Variants in PEBP4 observed in about 807,000 individuals in gnomAD.
The protein encoded by PEBP4 is phosphatidylethanolamine-binding protein 4.
In PEBP4, 22 loss-of-function variants were observed where a neutral mutation model predicts 23.9. The observed-to-expected ratio is 0.92, with a 90% CI of 0.66 to 1.31. The LOEUF (loss-of-function observed/expected upper bound fraction) is 1.31, where lower values mean the gene tolerates loss of function less well. PEBP4 is among the 40% of genes most tolerant of loss of function. The pLI is 0.00. For synonymous variants in PEBP4, 112 were observed against 99.3 expected (o/e 1.13, Z -0.76); for missense variants, 324 against 281.7 (o/e 1.15, Z -1.07).
At position 22,776,882 on chromosome 8, in the gene PEBP4, C is replaced by A. The variant is rs114531525; in HGVS notation, c.357+40755G>T. On this transcript the variant is annotated intron_variant, in intron 4 of 6. Coordinates refer to ENST00000256404, the MANE Select transcript of PEBP4 (RefSeq NM_144962.3). ...CTGCGGAGCTGGGAGGTGGTTGGCA[C>A]ATGGCCTCATAACATTAGCCAGACT... Among the ~76,000 whole-genome samples, 751 of 151,408 alleles carry A rather than the reference C, an allele frequency of 5.0e-3. 6 individuals carry two copies. Among genetic ancestry groups the A allele is most frequent in the African/African-American group, 0.018 (722 of 41,168 alleles).
At chr8:22,926,718 A>T (rs867133509) in intron 2 of PEBP4, among the ~76,000 whole-genome samples, 9 of 152,278 alleles carry the variant, frequency 5.9e-5, no homozygotes, top group Admixed American at 1.3e-4. Flanking sequence ...TTCTAAAAGT[A>T]ATGTTTGTCA....
At chr8:22,723,338 G>A (rs980315165) in intron 6 of PEBP4, among the ~76,000 whole-genome samples, 1 of 152,146 alleles carries the variant, frequency 6.6e-6, no homozygotes, top group African/African-American at 2.4e-5. Flanking sequence ...ACGCAGAGTA[G>A]GGAAGCGTCT....
intron 4 of PEBP4, among the ~76,000 whole-genome samples, chr8:22,738,877 AC>A (rs776883886): frequency 1.3e-5 from 2 of 152,018 alleles, no homozygotes; most frequent in Non-Finnish European, 2.9e-5. Context: ...ACACACACTC[AC>A]ATGTACTCAC....
intron 3 of PEBP4, among the ~76,000 whole-genome samples, chr8:22,889,500 T>C (rs1260938249): frequency 1.3e-5 from 2 of 151,746 alleles, no homozygotes; most frequent in African/African-American, 4.8e-5. Flanking sequence ...GAGAGAAAAA[T>C]TAAAGGCAAG....
chr8:22,716,617 T>C (rs1804424940), intron 6 of PEBP4, among the ~76,000 whole-genome samples: 1 of 152,240 alleles, frequency 6.6e-6, no homozygotes, highest in African/African-American at 2.4e-5. Context: ...CCCAAATCTG[T>C]GGGGTTGGCT....
chr8:22,910,096 G>C (rs1808906988), intron 3 of PEBP4, among the ~76,000 whole-genome samples: 1 of 152,218 alleles, frequency 6.6e-6, no homozygotes, highest in South Asian at 2.1e-4. Context: ...AGCCAGCCCA[G>C]CTGCACTCTC....
intron 3 of PEBP4, among the ~76,000 whole-genome samples, chr8:22,898,410 A>AAC (rs1808637858): frequency 6.9e-6 from 1 of 144,542 alleles, no homozygotes; most frequent in Non-Finnish European, 1.5e-5. Context: ...AAAAAAAAAA[A>AAC]AAAAAAAAAA....
At chr8:22,843,323 A>G (rs144328085) in intron 3 of PEBP4, among the ~76,000 whole-genome samples, 1,533 of 152,318 alleles carry the variant, frequency 0.01, 16 homozygotes, top group Non-Finnish European at 0.017. Flanking sequence ...CTGGTTAGCA[A>G]CTACTCAGTT....
intron 3 of PEBP4, among the ~76,000 whole-genome samples, chr8:22,910,797 G>T (rs1585338961): frequency 1.3e-5 from 2 of 152,236 alleles, no homozygotes; most frequent in Admixed American, 1.3e-4. Flanking sequence ...GGTTGCCAGA[G>T]GTTAGAGGGA....
chr8:22,730,354 A>C (rs1050457361), intron 4 of PEBP4, among the ~76,000 whole-genome samples: 1 of 152,196 alleles, frequency 6.6e-6, no homozygotes, highest in Non-Finnish European at 1.5e-5. Flanking sequence ...CAGTTTAGGC[A>C]ACATAGCAAA....
intron 4 of PEBP4, among the ~76,000 whole-genome samples, chr8:22,760,062 T>C (rs1805476033): frequency 6.6e-6 from 1 of 152,200 alleles, no homozygotes; most frequent in Non-Finnish European, 1.5e-5. Context: ...TGTGCTCTTA[T>C]CGTTGCATTA....
In PEBP4 at chr8:22,898,104, C is replaced by T. The variant is rs190226839; in HGVS notation, c.258+22080G>A. Among the ~76,000 whole-genome samples, 8 of 152,168 alleles carry T rather than the reference C, an allele frequency of 5.3e-5. No individual in the cohort carries two copies. In the East Asian group the frequency reaches 1.5e-3, roughly 29 times the overall value. On this transcript the variant is annotated intron_variant, in intron 3 of 6. Coordinates refer to ENST00000256404, the MANE Select transcript of PEBP4 (RefSeq NM_144962.3). ...AATAAATGTCTGTTGTTAATGCCAC[C>T]CAGCCAGCCAGGCGCAGTGGCTCAC...
chr8:22,837,311 T>C (rs1807225427), intron 3 of PEBP4, among the ~76,000 whole-genome samples: 1 of 152,122 alleles, frequency 6.6e-6, no homozygotes, highest in South Asian at 2.1e-4. Flanking sequence ...GTAAACCAAC[T>C]CTCTCAGGAA....
chr8:22,814,088 G>T lies in PEBP4; in HGVS notation c.357+3549C>A, dbSNP rs529416929. On this transcript the variant is annotated intron_variant, in intron 4 of 6. Coordinates refer to ENST00000256404, the MANE Select transcript of PEBP4 (RefSeq NM_144962.3). The stretch of plus-strand genomic sequence containing the variant: ...GAGTTTACTATGTGTTCTGGGTATT[G>T]TTCTGAGCACTATCCTTAAAATAAT... 1.3e-4 allele frequency among the ~76,000 whole-genome samples: 20 copies of T among 152,334 alleles called. No homozygotes were observed. In the East Asian group the frequency reaches 3.5e-3, roughly 26 times the overall value.
chr8:22,723,309 G>A (rs1207806959), intron 6 of PEBP4, among the ~76,000 whole-genome samples: 1 of 152,094 alleles, frequency 6.6e-6, no homozygotes, highest in Non-Finnish European at 1.5e-5. Context: ...GGCTGTGGTC[G>A]AGCCTCAGGA....
chr8:22,872,762 T>G (rs951771790), intron 3 of PEBP4, among the ~76,000 whole-genome samples: 2 of 152,168 alleles, frequency 1.3e-5, no homozygotes, highest in Non-Finnish European at 2.9e-5. Context: ...CCGCAACCTC[T>G]GCCTCCTGGG....
At chr8:22,739,882 C>T (rs771857009) in intron 4 of PEBP4, among the ~76,000 whole-genome samples, 13 of 152,090 alleles carry the variant, frequency 8.5e-5, no homozygotes, top group Admixed American at 4.6e-4. Context: ...GGAACCCAGG[C>T]CACAAAGGCT....
At chr8:22,776,326 A>G (rs1041190572) in intron 4 of PEBP4, among the ~76,000 whole-genome samples, 5 of 152,154 alleles carry the variant, frequency 3.3e-5, no homozygotes, top group Admixed American at 2.0e-4. Flanking sequence ...AAAACATGAA[A>G]GTTCTGTAGG....
At chr8:22,808,427 C>T (rs2128760151) in intron 4 of PEBP4, among the ~76,000 whole-genome samples, 1 of 152,324 alleles carries the variant, frequency 6.6e-6, no homozygotes, top group South Asian at 2.1e-4. Context: ...TTACCGAGGG[C>T]ACTTAATGTT....
Sources: allele counts gnomAD v4.1 joint callset (sites outside exome capture counted in the v4.1 genomes callset), GRCh38; gene constraint gnomAD v4.1.1; transcripts MANE v1.5; gene names NCBI Gene and HGNC (gene_info 2026-07-23, HGNC 2026-07-21).